SPTBN5: variants seen among roughly 807,000 people sequenced by gnomAD.
SPTBN5 encodes the protein spectrin beta, non-erythrocytic 5.
In SPTBN5, 513 loss-of-function variants were observed where a neutral mutation model predicts 477.6. The ratio of observed to expected loss-of-function variants is 1.07; its 90% confidence interval spans 1.00 to 1.16. SPTBN5 has a LOEUF of 1.16. Ranked by LOEUF, SPTBN5 falls within the 50% of genes most tolerant of loss-of-function variation. The pLI is 0.00. For missense variants in SPTBN5, 5,062 were observed against 4,731.8 expected, an observed-to-expected ratio of 1.07 and a Z score of -2.05; for synonymous variants, 2,169 against 2,011.7, an observed-to-expected ratio of 1.08 and a Z score of -2.09.
At position 41,851,077 on chromosome 15, in the gene SPTBN5, T is replaced by G. The variant is rs747542825; in HGVS notation, c.10817A>C (p.Lys3606Thr). The change falls in exon 65 of 68, where the codon AAA (lysine) becomes ACA (threonine). Residue 3606 changes from lysine to threonine, a missense_variant. Transcript: ENST00000320955. Reference protein sequence around the residue: ...CERLRGRHGRKHTFSLRLTSG... With the variant: ...CERLRGRHGRTHTFSLRLTSG... ...CGCTCACCTTAAGGAGAATGTGTGT[T>G]TCCTGCCGTGGCGGCCCCGCAGCCT... 1 of 1,612,634 alleles carries G rather than the reference T, an allele frequency of 6.2e-7. No homozygotes were observed. Among genetic ancestry groups the G allele is most frequent in the South Asian group, 1.1e-5 (1 of 90,864 alleles).
At chr15:41,878,743 GCCCAC>G in intron 16 of SPTBN5, 114 bp from the exon 17 acceptor site, 1 of 1,200,456 alleles carries the variant, frequency 8.3e-7, no homozygotes, top group Non-Finnish European at 1.1e-6. Context: ...GACTCTCAAT[GCCCAC>G]CCCACCCTTG....
At position 41,871,927 on chromosome 15, in the gene SPTBN5, C is replaced by G; in HGVS notation, c.5166-10G>C. ...CTCCAGTTCCCGGTCCCTGTGGTAA[C>G]AGTCCGTGGTTCCCCAGAAGTGAGT... On this transcript the variant is annotated splice_polypyrimidine_tract_variant and intron_variant, in intron 27 of 67. Transcript: ENST00000320955. The G allele has an allele frequency of 6.4e-7, 1 of 1,556,974 alleles. No homozygotes were observed. The highest frequency in any genetic ancestry group is 8.7e-7 in the Non-Finnish European group (1 of 1,147,556).
chr15:41,877,111 C>T lies in SPTBN5; in HGVS notation c.3711+5G>A. On this transcript the variant is annotated splice_donor_5th_base_variant and intron_variant, in intron 18 of 67. Transcript: ENST00000320955. ...ACAGCCTAGCTCCACATTCCTGCTC[C>T]ATACCCCAAGGTTGTCCAGGTGCAG... 1 of 1,613,758 alleles carries T rather than the reference C, an allele frequency of 6.2e-7. No homozygotes were observed. The highest frequency in any genetic ancestry group is 1.1e-5 in the South Asian group (1 of 91,006).
intron 29 of SPTBN5, among the ~76,000 whole-genome samples, chr15:41,870,931 C>T (rs2066513541): frequency 1.3e-5 from 2 of 152,264 alleles, no homozygotes; most frequent in South Asian, 2.1e-4. Context: ...TGGCTGAGCT[C>T]CTAAGGCTTC....
Position 41,851,085 on chromosome 15 carries a change from G to T in SPTBN5, c.10809C>A (p.His3603Gln), listed in dbSNP as rs374980494. The change falls in exon 65 of 68, where the codon CAC becomes CAA. Residue 3603 changes from histidine (H) to glutamine (Q), a missense_variant. By Grantham distance (24) the His-to-Gln change is conservative. Coordinates refer to ENST00000320955, the MANE Select transcript of SPTBN5 (RefSeq NM_016642.4). Reference sequence around the variant, plus strand: ...TTAAGGAGAATGTGTGTTTCCTGCCGTGGCGGCCCCGCAGCCTCTCACACC... The same window carrying T: ...TTAAGGAGAATGTGTGTTTCCTGCCTTGGCGGCCCCGCAGCCTCTCACACC... ...GARCERLRGR[H>Q]GRKHTFSLRL... 6 of 1,612,750 alleles carry T rather than the reference G, an allele frequency of 3.7e-6. No individual in the cohort carries two copies. Among genetic ancestry groups the T allele is most frequent in the East Asian group, 4.5e-5 (2 of 44,880 alleles).
At chr15:41,857,202 G>A in intron 51 of SPTBN5, 36 bp downstream of exon 51, 1 of 1,562,892 alleles carries the variant, frequency 6.4e-7, no homozygotes, top group Non-Finnish European at 8.7e-7. Context: ...CTCCAGGAAG[G>A]CAGGGAAGAG....
intron 66 of SPTBN5, 50 bp downstream of exon 66, chr15:41,850,803 TG>T: frequency 6.7e-7 from 1 of 1,486,786 alleles, no homozygotes; most frequent in Non-Finnish European, 9.1e-7. Flanking sequence ...CCCAGGAGCT[TG>T]GGGCCCAGGG....
In SPTBN5 at chr15:41,854,031, T is replaced by G. The variant is rs755521212; in HGVS notation, c.9774+19A>C. Reference sequence around the variant, plus strand: ...CGGGCAGGGGCTCAGACAGGCAGGCTGCAGGGCGTGGGCCTCACCTCCAGG... The same window carrying G: ...CGGGCAGGGGCTCAGACAGGCAGGCGGCAGGGCGTGGGCCTCACCTCCAGG... On this transcript the variant is annotated intron_variant, in intron 57 of 67. Transcript: ENST00000320955. The G allele has an allele frequency of 2.5e-5, 39 of 1,545,596 alleles. No homozygotes were observed. The Middle Eastern group carries it at 2.6e-3, about 104-fold the overall frequency.
In SPTBN5 at chr15:41,886,095, G is replaced by A. The variant is rs777821274; in HGVS notation, c.1160C>T (p.Pro387Leu). The A allele has an allele frequency of 1.9e-6, 3 of 1,608,060 alleles. No individual in the cohort carries two copies. The highest frequency in any genetic ancestry group is 2.5e-6 in the Non-Finnish European group (3 of 1,177,012). Residue 387 changes from proline to leucine, a missense_variant, in exon 7 of 68, where the codon CCT becomes CTT. Coordinates refer to ENST00000320955, the MANE Select transcript of SPTBN5 (RefSeq NM_016642.4). The part of the protein sequence containing the change: ...LQAQNRRPFL[P>L]HEGLGLAELS... ...CTCTGCAAGGCCCAGGCCCTCATGA[G>A]GCAGGAAGGGCCTGCGGTTCTGGGC...
At chr15:41,884,692 T>C (rs866069186) in intron 7 of SPTBN5, among the ~76,000 whole-genome samples, 1 of 152,130 alleles carries the variant, frequency 6.6e-6, no homozygotes, top group Middle Eastern at 3.2e-3. Flanking sequence ...CCATCATCTC[T>C]CTGAGTAAAA....
chr15:41,885,843 A>T lies in SPTBN5; in HGVS notation c.1412T>A (p.Met471Lys). Residue 471 changes from methionine (M) to lysine (K), a missense_variant, in exon 7 of 68, where the codon ATG becomes AAG. Transcript: ENST00000320955. ...TVEAAVQRLG[M>K]LEAGILPQEG... Reference sequence around the variant, plus strand: ...CTGGGGCAGGATGCCAGCCTCCAGCATGCCCAGCCTCTGGACGGCTGCCTC... The same window carrying T: ...CTGGGGCAGGATGCCAGCCTCCAGCTTGCCCAGCCTCTGGACGGCTGCCTC... The T allele has an allele frequency of 6.4e-7, 1 of 1,563,250 alleles. No individual in the cohort carries two copies. Among genetic ancestry groups the T allele is most frequent in the Non-Finnish European group, 8.7e-7 (1 of 1,154,206 alleles).
At chr15:41,890,231 G>A (rs1354460368) in intron 3 of SPTBN5, 26 bp from the exon 4 acceptor site, 3 of 1,527,032 alleles carry the variant, frequency 2.0e-6, no homozygotes, top group Non-Finnish European at 2.7e-6. Context: ...GATGGGCTAA[G>A]CCATGAAGCC....
rs768685231 is a variant in SPTBN5 at position 41,876,287 on chromosome 15, G to A, written c.3952-3C>T. The A allele has an allele frequency of 2.4e-5, 37 of 1,555,588 alleles. No homozygotes were observed. The South Asian group carries it at 4.1e-4, about 17-fold the overall frequency. ...TCTGCCACATCCTGCTTCCACTCCT[G>A]CCAAGAACCAGGCGAGAGTGGGTCT... On this transcript the variant is annotated splice_region_variant and splice_polypyrimidine_tract_variant and intron_variant, in intron 20 of 67. Transcript: ENST00000320955.
At chr15:41,858,208 A>G (rs562438143) in intron 49 of SPTBN5, among the ~76,000 whole-genome samples, 2 of 152,266 alleles carry the variant, frequency 1.3e-5, no homozygotes, top group African/African-American at 2.4e-5. Flanking sequence ...TGAGCTGGGA[A>G]GATCACTTGA....
chr15:41,861,748 G>A lies in SPTBN5; in HGVS notation c.7724C>T (p.Ala2575Val). ...GACTGTGCCTGCCTGTAGCTCCAGG[G>A]CCTGCTGCAGCTGTAGCTGATGCTC... ...WQEHQLQLQQALELQLFLSSV... is the reference protein window; with the variant it reads ...WQEHQLQLQQVLELQLFLSSV... Residue 2575 changes from alanine (A) to valine (V), a missense_variant, in exon 45 of 68, where the codon GCC becomes GTC. Coordinates refer to ENST00000320955, the MANE Select transcript of SPTBN5 (RefSeq NM_016642.4). The A allele has an allele frequency of 1.9e-6, 3 of 1,546,812 alleles. No homozygotes were observed. The highest frequency in any genetic ancestry group is 2.6e-6 in the Non-Finnish European group (3 of 1,149,970).
In SPTBN5 at chr15:41,886,061, C is replaced by A. The variant is rs200073002; in HGVS notation, c.1194G>T (p.Gln398His). The change falls in exon 7 of 68, where the codon CAG becomes CAT. Residue 398 changes from glutamine (Q) to histidine (H), a missense_variant. By Grantham distance (24) the Gln-to-His change is conservative (BLOSUM62 0). Coordinates refer to ENST00000320955, the MANE Select transcript of SPTBN5 (RefSeq NM_016642.4). Reference protein sequence around the residue: ...HEGLGLAELSQCWAGLEWAEA... With the variant: ...HEGLGLAELSHCWAGLEWAEA... ...CTGCCCACTCCAGCCCTGCCCAGCA[C>A]TGGGACAGCTCTGCAAGGCCCAGGC... The A allele has an allele frequency of 3.3e-4, 530 of 1,591,748 alleles. No individual in the cohort carries two copies. Among genetic ancestry groups the A allele is most frequent in the Non-Finnish European group, 4.2e-4 (489 of 1,167,936 alleles).
chr15:41,862,355 G>A, intron 43 of SPTBN5, 63 bp from the exon 44 acceptor site: 1 of 1,541,882 alleles, frequency 6.5e-7, no homozygotes, highest in Non-Finnish European at 8.7e-7. Flanking sequence ...ATGCCCACTG[G>A]TGTCTTCTGT....
chr15:41,888,740 T>A (rs2067227831), intron 4 of SPTBN5, among the ~76,000 whole-genome samples: 1 of 152,208 alleles, frequency 6.6e-6, no homozygotes, highest in Admixed American at 6.5e-5. Context: ...GAATTACAGG[T>A]GTTAGCCACC....
At chr15:41,893,212 C>A in intron 2 of SPTBN5, 70 bp downstream of exon 2, 1 of 1,603,236 alleles carries the variant, frequency 6.2e-7, no homozygotes, top group South Asian at 1.1e-5. Flanking sequence ...ACAGCTCACC[C>A]CGGAGGCCCA....
Sources: allele counts gnomAD v4.1 joint callset (sites outside exome capture counted in the v4.1 genomes callset), GRCh38; gene constraint gnomAD v4.1.1; transcripts MANE v1.5; gene names NCBI Gene and HGNC (gene_info 2026-07-23, HGNC 2026-07-21).